The following SLC35F4 variants were observed in gnomAD, a reference collection of about 807,000 sequenced individuals.
SLC35F4 encodes chromosome 14 open reading frame 36.
A neutral mutation model predicts 44.2 loss-of-function variants in SLC35F4; 24 were observed. That is an observed-to-expected ratio of 0.54 (90% CI 0.39 to 0.76). SLC35F4 has a LOEUF of 0.76. SLC35F4 is among the 30% of genes least tolerant of loss of function. The probability of loss-of-function intolerance (pLI) is 0.00; values close to 1 mark genes in which losing one functional copy is unlikely to be tolerated. For synonymous variants in SLC35F4, 238 were observed against 223.6 expected (o/e 1.06, Z -0.57); for missense variants, 562 against 586.1 (o/e 0.96, Z 0.42).
At chr14:57,650,202 T>C (rs933217314) in intron 1 of SLC35F4, among the ~76,000 whole-genome samples, 1 of 152,104 alleles carries the variant, frequency 6.6e-6, no homozygotes, top group Non-Finnish European at 1.5e-5. Context: ...ATGGATTTAA[T>C]ATTACCCATA....
intron 1 of SLC35F4, among the ~76,000 whole-genome samples, chr14:57,927,297 C>T (rs932991358): frequency 2.6e-5 from 4 of 152,142 alleles, no homozygotes; most frequent in Non-Finnish European, 4.4e-5. Context: ...ATACACATTT[C>T]CTTGCGTCTC....
downstream of SLC35F4, among the ~76,000 whole-genome samples, chr14:57,974,812 T>C (rs552831318): frequency 6.6e-6 from 1 of 152,310 alleles, no homozygotes; most frequent in East Asian, 1.9e-4. Context: ...ATTTTACATA[T>C]GTAAAAAAGT....
At chr14:57,948,112 G>A (rs552970257) in intron 1 of SLC35F4, among the ~76,000 whole-genome samples, 12 of 152,196 alleles carry the variant, frequency 7.9e-5, no homozygotes, top group African/African-American at 2.2e-4. Flanking sequence ...CAGGATTGGC[G>A]TAAATTCTTC....
chr14:57,719,542 GGTTAA>G (rs756384534), intron 1 of SLC35F4, among the ~76,000 whole-genome samples: 9 of 150,240 alleles, frequency 6.0e-5, no homozygotes, highest in East Asian at 5.9e-4. Context: ...TCACTTTTTT[GGTTAA>G]GTTAATTCTT....
intron 1 of SLC35F4, among the ~76,000 whole-genome samples, chr14:57,856,292 C>T (rs972953722): frequency 6.6e-6 from 1 of 152,012 alleles, no homozygotes; most frequent in African/African-American, 2.4e-5. Context: ...GCACATTCTG[C>T]ACATGTACCC....
intron 4 of SLC35F4, among the ~76,000 whole-genome samples, chr14:57,579,708 G>T (rs1056216870): frequency 6.6e-6 from 1 of 152,052 alleles, no homozygotes; most frequent in Non-Finnish European, 1.5e-5. Context: ...AATATCAATC[G>T]AACCCCCACT....
intron 6 of SLC35F4, among the ~76,000 whole-genome samples, chr14:57,569,330 T>C (rs1364732793): frequency 1.3e-5 from 2 of 152,166 alleles, no homozygotes; most frequent in East Asian, 3.8e-4. Context: ...CCCAATCTGC[T>C]TCCCTCTTAA....
At chr14:57,657,126 G>T (rs1339970174) in intron 1 of SLC35F4, among the ~76,000 whole-genome samples, 2 of 152,196 alleles carry the variant, frequency 1.3e-5, no homozygotes, top group Non-Finnish European at 2.9e-5. Flanking sequence ...AACGCCTTTT[G>T]TTTGCTTTCC....
chr14:57,928,240 TCTC>T (rs1437798815), intron 1 of SLC35F4, among the ~76,000 whole-genome samples: 1 of 152,154 alleles, frequency 6.6e-6, no homozygotes, highest in African/African-American at 2.4e-5. Flanking sequence ...CTTGCTTTCT[TCTC>T]CTCTCCTGAC....
chr14:57,717,717 T>C (rs2075980104), intron 1 of SLC35F4, among the ~76,000 whole-genome samples: 1 of 152,236 alleles, frequency 6.6e-6, no homozygotes, highest in Non-Finnish European at 1.5e-5. Flanking sequence ...TCTTTTACTT[T>C]TAATTTTTGT....
chr14:57,813,895 A>C (rs1882260674), intron 1 of SLC35F4, among the ~76,000 whole-genome samples: 2 of 152,182 alleles, frequency 1.3e-5, no homozygotes, highest in Admixed American at 1.3e-4. Context: ...TAGGTGGTCC[A>C]TGCTCTGGGG....
chr14:57,819,658 C>T (rs1330541789), intron 1 of SLC35F4, among the ~76,000 whole-genome samples: 1 of 145,840 alleles, frequency 6.9e-6, no homozygotes, highest in Admixed American at 6.8e-5. Flanking sequence ...AAAAAAAATA[C>T]AAAAATTAGC....
chr14:57,666,689 A>G (rs2074319887), intron 1 of SLC35F4, among the ~76,000 whole-genome samples: 1 of 151,288 alleles, frequency 6.6e-6, no homozygotes, highest in South Asian at 2.1e-4. Flanking sequence ...AACAAGCATG[A>G]TGGCCAAAAA....
At chr14:57,589,155 T>C in intron 3 of SLC35F4, 61 bp downstream of exon 3, 1 of 1,502,796 alleles carries the variant, frequency 6.7e-7, no homozygotes, top group African/African-American at 1.4e-5. Context: ...GAGATAAAAA[T>C]AGGCATATTT....
intron 1 of SLC35F4, among the ~76,000 whole-genome samples, chr14:57,887,275 C>T (rs1299768575): frequency 1.3e-5 from 2 of 152,166 alleles, no homozygotes; most frequent in Non-Finnish European, 2.9e-5. Context: ...TCTTCAAGTA[C>T]AGTAGAGGAG....
At position 57,955,387 on chromosome 14, in the gene SLC35F4, C is replaced by G. The variant is rs11850522; in HGVS notation, n.282+26526G>C. Among the ~76,000 whole-genome samples the G allele has an allele frequency of 3.5e-3, 536 of 152,246 alleles. 3 individuals are homozygous for G. Among genetic ancestry groups the G allele is most frequent in the African/African-American group, 0.012 (507 of 41,530 alleles). On this transcript the variant is annotated intron_variant and non_coding_transcript_variant, in intron 1 of 1. Coordinates refer to the SLC35F4 transcript ENST00000556568. ...ATTCCCTCTGAAAACAAGTACAAGA[C>G]AAGTATGCCCTCTCTCACCACTCTA...
At chr14:57,746,498 T>G (rs1448409141) in intron 1 of SLC35F4, among the ~76,000 whole-genome samples, 1 of 152,200 alleles carries the variant, frequency 6.6e-6, no homozygotes, top group Non-Finnish European at 1.5e-5. Flanking sequence ...TGGAAAAAAC[T>G]CCAATTGATC....
rs1000717737 is a variant in SLC35F4 at position 57,564,081 on chromosome 14, A to G, written c.*54T>C. 7.5e-6 allele frequency: 12 copies of G among 1,594,472 alleles called. No homozygotes were observed. Among genetic ancestry groups the G allele is most frequent in the Middle Eastern group, 1.8e-4 (1 of 5,544 alleles). ...GTTTGAGTGTACAGGTAGTGAGAAA[A>G]TTTTGTTATATTCACAGAATATACA... On this transcript the variant is annotated 3_prime_UTR_variant, in exon 8 of 8. Transcript: ENST00000556826.
intron 1 of SLC35F4, among the ~76,000 whole-genome samples, chr14:57,751,692 C>T (rs1355050798): frequency 2.6e-5 from 4 of 152,116 alleles, no homozygotes; most frequent in Non-Finnish European, 4.4e-5. Flanking sequence ...AGCTAAACTA[C>T]ATTACAAGGA....
Sources: gnomAD v4.1 joint callset for allele counts (sites outside exome capture counted in the v4.1 genomes callset) on GRCh38, gnomAD v4.1.1 for gene constraint, MANE v1.5 for transcripts, NCBI Gene and HGNC (gene_info 2026-07-23, HGNC 2026-07-21) for gene names.